Variants in VGLL3 observed in about 807,000 individuals in gnomAD.
VGLL3 encodes the protein transcription cofactor vestigial-like protein 3.
A neutral mutation model predicts 29.2 loss-of-function variants in VGLL3; 18 were observed. The observed-to-expected ratio is 0.62, with a 90% CI of 0.43 to 0.91. VGLL3 has a LOEUF of 0.91. VGLL3 is among the 40% of genes least tolerant of loss of function. The probability of loss-of-function intolerance (pLI) is 0.00; values close to 1 mark genes in which losing one functional copy is unlikely to be tolerated. For missense variants in VGLL3, 440 were observed against 413.2 expected (o/e 1.06, Z -0.56); for synonymous variants, 180 against 151.8 (o/e 1.19, Z -1.36).
intron 2 of VGLL3, among the ~76,000 whole-genome samples, chr3:86,971,609 A>C (rs1421680705): frequency 6.6e-6 from 1 of 152,238 alleles, no homozygotes; most frequent in East Asian, 1.9e-4. Flanking sequence ...CCTTACTGAC[A>C]TTGAGGTAAC....
At chr3:86,977,027 AG>A (rs2107044282) in intron 2 of VGLL3, among the ~76,000 whole-genome samples, 1 of 152,328 alleles carries the variant, frequency 6.6e-6, no homozygotes, top group South Asian at 2.1e-4. Context: ...TAGGCTTCCA[AG>A]GACTAAGTCT....
chr3:86,971,934 C>T (rs949665933), intron 2 of VGLL3, among the ~76,000 whole-genome samples: 2 of 152,146 alleles, frequency 1.3e-5, no homozygotes, highest in African/African-American at 4.8e-5. Flanking sequence ...TCCCGAGGGG[C>T]TAGAATCCTA....
At chr3:86,961,619 T>G (rs956701050) in intron 3 of VGLL3, among the ~76,000 whole-genome samples, 1 of 152,148 alleles carries the variant, frequency 6.6e-6, no homozygotes, top group East Asian at 1.9e-4. Context: ...TCTCCTTCCT[T>G]ATACACAAAG....
intron 1 of VGLL3, among the ~76,000 whole-genome samples, chr3:86,989,869 C>T (rs1182272100): frequency 6.6e-6 from 1 of 152,150 alleles, no homozygotes; most frequent in Non-Finnish European, 1.5e-5. Context: ...TCTAAAGTAA[C>T]TATATCATCT....
At chr3:86,976,213 C>T (rs1705206528) in intron 2 of VGLL3, among the ~76,000 whole-genome samples, 1 of 152,208 alleles carries the variant, frequency 6.6e-6, no homozygotes, top group Non-Finnish European at 1.5e-5. Flanking sequence ...ATTCTAAGCT[C>T]AGTCCATCTT....
At chr3:86,956,399 A>T (rs1437991551) in intron 3 of VGLL3, among the ~76,000 whole-genome samples, 1 of 152,162 alleles carries the variant, frequency 6.6e-6, no homozygotes, top group East Asian at 1.9e-4. Flanking sequence ...ACTTTGAAAA[A>T]GTCTCCACCT....
intron 3 of VGLL3, chr3:86,961,995 A>G: frequency 1.0e-6 from 1 of 982,956 alleles, no homozygotes; most frequent in Non-Finnish European, 1.2e-6. Context: ...ATGGTAGGCA[A>G]TGTAAATAAA....
intron 3 of VGLL3, among the ~76,000 whole-genome samples, chr3:86,965,113 C>A (rs535658837): frequency 6.6e-6 from 1 of 150,844 alleles, no homozygotes; most frequent in Non-Finnish European, 1.5e-5. Context: ...GCTGAAATTG[C>A]GCCACTGCAC....
chr3:86,981,218 C>T (rs75628079), intron 1 of VGLL3, among the ~76,000 whole-genome samples: 164 of 151,854 alleles, frequency 1.1e-3, no homozygotes, highest in Non-Finnish European at 2.1e-3. Flanking sequence ...ATTTTAAAAT[C>T]GATATTTTAA....
At position 86,945,631 on chromosome 3, in the gene VGLL3, G is replaced by A. The variant is rs1034372190; in HGVS notation, c.*1393C>T. On this transcript the variant is annotated 3_prime_UTR_variant, in exon 4 of 4. Transcript: ENST00000398399. Reference sequence around the variant, plus strand: ...ATAATTTAAACTTTATTTAGATCCTGAGAGCTATATCAAGTTAAATCCTCA... The same window carrying A: ...ATAATTTAAACTTTATTTAGATCCTAAGAGCTATATCAAGTTAAATCCTCA... The A allele has an allele frequency of 6.6e-6, 1 of 152,100 alleles. No individual in the cohort carries two copies. Among genetic ancestry groups the A allele is most frequent in the Non-Finnish European group, 1.5e-5 (1 of 68,002 alleles). The allele number at this position is 152,100 out of a possible 1,614,324, so 9.4% of individuals were successfully genotyped here.
At chr3:86,977,402 G>T (rs1705232056) in intron 2 of VGLL3, among the ~76,000 whole-genome samples, 1 of 152,184 alleles carries the variant, frequency 6.6e-6, no homozygotes, top group Admixed American at 6.5e-5. Context: ...ACTAGTCACT[G>T]CTCACTGCTC....
intron 3 of VGLL3, among the ~76,000 whole-genome samples, chr3:86,967,742 G>A (rs1025024354): frequency 1.3e-4 from 20 of 152,132 alleles, no homozygotes; most frequent in Non-Finnish European, 2.2e-4. Flanking sequence ...TCAATTTGTC[G>A]TTTTGGGCTC....
intron 3 of VGLL3, among the ~76,000 whole-genome samples, chr3:86,964,565 G>T (rs1187606603): frequency 1.3e-5 from 2 of 152,148 alleles, no homozygotes; most frequent in Non-Finnish European, 2.9e-5. Flanking sequence ...GTATAAGAAA[G>T]CGAGCCTTAG....
At chr3:86,969,313 A>G (rs1295925223) in intron 2 of VGLL3, among the ~76,000 whole-genome samples, 190 bp from the exon 3 acceptor site, 1 of 152,202 alleles carries the variant, frequency 6.6e-6, no homozygotes, top group Non-Finnish European at 1.5e-5. Context: ...CAATGGGTCC[A>G]TGTGCAAGAT....
chr3:86,942,955 C>T lies in VGLL3; in HGVS notation c.*4069G>A, dbSNP rs913629694. 3.3e-5 allele frequency: 5 copies of T among 152,048 alleles called. No individual in the cohort carries two copies. The highest frequency in any genetic ancestry group is 1.2e-4 in the African/African-American group (5 of 41,408). The allele number at this position is 152,048 out of a possible 1,614,324, so 9.4% of individuals were successfully genotyped here. Reference sequence around the variant, plus strand: ...CTCAACTGATAGGCATCTGTAGTAGCTGTTATTTATTGAACATCTAATATG... The same window carrying T: ...CTCAACTGATAGGCATCTGTAGTAGTTGTTATTTATTGAACATCTAATATG... On this transcript the variant is annotated 3_prime_UTR_variant, in exon 4 of 4. Transcript: ENST00000398399.
Position 86,991,017 on chromosome 3 carries a change from C to T in VGLL3, c.-274G>A, listed in dbSNP as rs555116006. 108 of 842,536 alleles carry T rather than the reference C, an allele frequency of 1.3e-4. No homozygotes were observed. The African/African-American group carries it at 1.9e-3, about 15-fold the overall frequency. The allele number at this position is 842,536 out of a possible 1,614,324, so 52.2% of individuals were successfully genotyped here. On this transcript the variant is annotated 5_prime_UTR_variant, in exon 1 of 4. Coordinates refer to ENST00000398399, the MANE Select transcript of VGLL3 (RefSeq NM_016206.4). ...ATATAGCGGCTCAGGGACGCAGCCG[C>T]CCGCTGCGCCGCTGGGGCATTACCG...
At chr3:86,959,627 A>G (rs1312844658) in intron 3 of VGLL3, among the ~76,000 whole-genome samples, 2 of 152,140 alleles carry the variant, frequency 1.3e-5, no homozygotes, top group East Asian at 3.9e-4. Context: ...GCATTATTAT[A>G]TTTAGTAAAT....
At chr3:86,978,454 A>G in intron 2 of VGLL3, 72 bp downstream of exon 2, 1 of 1,531,030 alleles carries the variant, frequency 6.5e-7, no homozygotes, top group South Asian at 1.3e-5. Flanking sequence ...GCAAGTCTCC[A>G]GCTGGAACCT....
intron 3 of VGLL3, 31 bp downstream of exon 3, chr3:86,968,559 G>A (rs775259033): frequency 1.3e-6 from 2 of 1,580,278 alleles, no homozygotes; most frequent in Non-Finnish European, 1.7e-6. Flanking sequence ...ACTTTATCTT[G>A]TTATAGGAAG....
Sources: gnomAD v4.1 joint callset for allele counts (sites outside exome capture counted in the v4.1 genomes callset) on GRCh38, gnomAD v4.1.1 for gene constraint, MANE v1.5 for transcripts, NCBI Gene and HGNC (gene_info 2026-07-23, HGNC 2026-07-21) for gene names.